MGST1: variants seen among roughly 807,000 people sequenced by gnomAD.
MGST1 encodes the protein microsomal glutathione S-transferase 1, also known as glutathione S-transferase 12.
A neutral mutation model predicts 8.9 loss-of-function variants in MGST1; 5 were observed. The ratio of observed to expected loss-of-function variants is 0.56; its 90% CI spans 0.29 to 1.19. The LOEUF (loss-of-function observed/expected upper bound fraction) is 1.19. Ranked by LOEUF, MGST1 falls within the 50% of genes most tolerant of loss-of-function variation. MGST1 has a pLI of 0.08. For synonymous variants in MGST1, 54 were observed against 67.8 expected (o/e 0.80, Z 1.00); for missense variants, 182 against 187.4 (o/e 0.97, Z 0.17).
chr12:16,436,408 C>A (rs1011041493), intron 1 of MGST1, among the ~76,000 whole-genome samples: 6 of 151,790 alleles, frequency 4.0e-5, no homozygotes, highest in Admixed American at 3.9e-4. Flanking sequence ...GGTGTTCTTG[C>A]AGGATAGGTA....
intron 4 of MGST1, among the ~76,000 whole-genome samples, chr12:16,455,702 A>C (rs75623987): frequency 6.6e-6 from 1 of 151,832 alleles, no homozygotes; most frequent in African/African-American, 2.4e-5. Context: ...ATCTATTGCT[A>C]TGGTTCATCA....
At chr12:16,448,239 T>C (rs918338606) in intron 4 of MGST1, among the ~76,000 whole-genome samples, 3 of 151,952 alleles carry the variant, frequency 2.0e-5, no homozygotes, top group African/African-American at 7.2e-5. Flanking sequence ...AAATACTTAC[T>C]GAATTTCTCC....
intron 1 of MGST1, among the ~76,000 whole-genome samples, chr12:16,348,454 A>G (rs369300662): frequency 3.9e-5 from 6 of 152,188 alleles, no homozygotes; most frequent in Non-Finnish European, 5.9e-5. Flanking sequence ...ATATTGCTCT[A>G]GCTGGCTTGG....
intron 4 of MGST1, among the ~76,000 whole-genome samples, chr12:16,522,696 C>T (rs1297755580): frequency 1.3e-5 from 2 of 152,096 alleles, no homozygotes; most frequent in Non-Finnish European, 2.9e-5. Flanking sequence ...CTGGGATATA[C>T]TCCATCTAGT....
intron 4 of MGST1, among the ~76,000 whole-genome samples, chr12:16,486,646 C>G (rs917497764): frequency 6.6e-6 from 1 of 152,152 alleles, no homozygotes; most frequent in African/African-American, 2.4e-5. Context: ...TTCCTACAGG[C>G]TGGCTTTCCT....
At chr12:16,566,011 TATATATATATATATATA>T (rs1257253178) in intron 4 of MGST1, among the ~76,000 whole-genome samples, 1 of 76,732 alleles carries the variant, frequency 1.3e-5, no homozygotes, top group African/African-American at 4.6e-5. Context: ...TATATATATA[TATATATATATATATATA>T]TATATATATA....
intron 4 of MGST1, among the ~76,000 whole-genome samples, chr12:16,450,915 A>C (rs925167808): frequency 6.6e-6 from 1 of 151,644 alleles, no homozygotes; most frequent in African/African-American, 2.4e-5. Context: ...CCAAATCTAC[A>C]GCTCAAAGTT....
intron 4 of MGST1, among the ~76,000 whole-genome samples, chr12:16,569,613 A>G (rs1003020484): frequency 6.6e-6 from 1 of 152,226 alleles, no homozygotes; most frequent in African/African-American, 2.4e-5. Context: ...ACATTTGATG[A>G]GAAAAATATT....
At chr12:16,441,548 T>C (rs1375013749), downstream of MGST1, among the ~76,000 whole-genome samples, 1 of 151,928 alleles carries the variant, frequency 6.6e-6, no homozygotes, top group East Asian at 1.9e-4. Flanking sequence ...TCCATCATTT[T>C]GTTTTTCCAG....
intron 4 of MGST1, among the ~76,000 whole-genome samples, chr12:16,499,106 G>C (rs1421773303): frequency 6.6e-6 from 1 of 152,076 alleles, no homozygotes; most frequent in Non-Finnish European, 1.5e-5. Flanking sequence ...AATTTTATGG[G>C]ACCCTCCAGT....
In MGST1 at chr12:16,542,021, C is replaced by G. The variant is rs990940916; in HGVS notation, n.483-47507C>G. Reference sequence around the variant, plus strand: ...CAGTGGCCCCCAAATCATCAGTGGACCTTTTAGTTTGTGATTTCATTCTCT... The same window carrying G: ...CAGTGGCCCCCAAATCATCAGTGGAGCTTTTAGTTTGTGATTTCATTCTCT... On this transcript the variant is annotated intron_variant and non_coding_transcript_variant, in intron 4 of 4. Transcript: ENST00000538857. Among the ~76,000 whole-genome samples the G allele has an allele frequency of 2.6e-5, 4 of 152,156 alleles. No homozygotes were observed. In the South Asian group the frequency reaches 6.2e-4, roughly 24 times the overall value.
intron 4 of MGST1, among the ~76,000 whole-genome samples, chr12:16,530,143 A>G (rs1384017258): frequency 6.6e-6 from 1 of 152,146 alleles, no homozygotes; most frequent in African/African-American, 2.4e-5. Context: ...TTTTAGTGGC[A>G]AAAAGAAATC....
rs542347437 is a variant in MGST1, at chr12:16,416,224, C to A, written n.779-21164C>A. ...TTTATACCTCTACTTTAAGAACTTGCATGTTTCTGCTTAAAACTATTTATA... is the reference window on the plus strand; with the variant it reads ...TTTATACCTCTACTTTAAGAACTTGAATGTTTCTGCTTAAAACTATTTATA... On this transcript the variant is annotated intron_variant and non_coding_transcript_variant, in intron 1 of 1. Coordinates refer to the MGST1 transcript ENST00000359720. 6.6e-5 allele frequency among the ~76,000 whole-genome samples: 10 copies of A among 152,196 alleles called. No homozygotes were observed. The South Asian group carries it at 2.1e-3, about 32-fold the overall frequency.
At chr12:16,476,791 T>C (rs1013904116) in intron 4 of MGST1, among the ~76,000 whole-genome samples, 1 of 152,156 alleles carries the variant, frequency 6.6e-6, no homozygotes, top group African/African-American at 2.4e-5. Flanking sequence ...CTTTGAAAGA[T>C]AGCATGGCAC....
At chr12:16,532,511 A>G (rs1011570587) in intron 4 of MGST1, among the ~76,000 whole-genome samples, 4 of 152,178 alleles carry the variant, frequency 2.6e-5, no homozygotes, top group African/African-American at 9.7e-5. Flanking sequence ...TTTTTCATTT[A>G]TGTTTATTAA....
intron 4 of MGST1, among the ~76,000 whole-genome samples, chr12:16,529,247 A>C (rs543048349): frequency 1.3e-5 from 2 of 152,118 alleles, no homozygotes; most frequent in South Asian, 2.1e-4. Context: ...CATTGTAACT[A>C]TGATGATTTG....
At chr12:16,364,481 A>T, downstream of MGST1, 1 of 823,506 alleles carries the variant, frequency 1.2e-6, no homozygotes, top group Middle Eastern at 6.3e-4. The surrounding 1 kb of genome is among the most constrained non-coding windows in gnomAD (Gnocchi z 5.7). Flanking sequence ...GTTGAAAAAT[A>T]GTACAAAGAA....
intron 3 of MGST1, chr12:16,376,058 G>A: frequency 8.8e-7 from 1 of 1,133,362 alleles, no homozygotes; most frequent in Non-Finnish European, 1.2e-6. Flanking sequence ...TATTTTATGT[G>A]TTCACGTGTG....
intron 4 of MGST1, among the ~76,000 whole-genome samples, chr12:16,552,093 C>T (rs1942009693): frequency 6.6e-6 from 1 of 152,006 alleles, no homozygotes; most frequent in African/African-American, 2.4e-5. Flanking sequence ...GTTTAATGTG[C>T]AAGACTGCAA....
Sources: allele counts gnomAD v4.1 joint callset (sites outside exome capture counted in the v4.1 genomes callset), GRCh38; gene constraint gnomAD v4.1.1; non-coding constraint Gnocchi (gnomAD v3.1); transcripts MANE v1.5; gene names NCBI Gene and HGNC (gene_info 2026-07-23, HGNC 2026-07-21).